ACTR2: variants seen among roughly 807,000 people sequenced by gnomAD.
ACTR2 encodes the protein actin-related protein 2.
Under a neutral mutation model 50.2 loss-of-function variants are expected in ACTR2, and 5 were observed. The observed-to-expected ratio is 0.10, with a 90% CI of 0.05 to 0.21. The LOEUF (loss-of-function observed/expected upper bound fraction) is 0.21, where lower values mean the gene tolerates loss of function less well. Ranked by LOEUF, ACTR2 falls within the 10% of genes least tolerant of loss-of-function variation. The probability of loss-of-function intolerance (pLI) is 1.00; values close to 1 mark genes in which losing one functional copy is unlikely to be tolerated. For synonymous variants in ACTR2, 140 were observed against 162.9 expected, an observed-to-expected ratio of 0.86 and a Z score of 1.07; for missense variants, 180 against 480.6, an observed-to-expected ratio of 0.37 and a Z score of 5.85.
chr2:65,242,258 G>C (rs541064940), intron 2 of ACTR2, among the ~76,000 whole-genome samples: 2 of 151,986 alleles, frequency 1.3e-5, no homozygotes, highest in African/African-American at 4.8e-5. Flanking sequence ...TCCTGATTGC[G>C]TACAATGGAC....
chr2:65,255,385 T>C (rs767781216), intron 5 of ACTR2, among the ~76,000 whole-genome samples, 160 bp from the exon 6 acceptor site: 1 of 152,186 alleles, frequency 6.6e-6, no homozygotes. Flanking sequence ...ATAAATCCTT[T>C]TATGGCGGAT....
intron 3 of ACTR2, 144 bp from the exon 4 acceptor site, chr2:65,250,882 GA>G (rs1672035898): frequency 4.0e-6 from 2 of 493,940 alleles, no homozygotes; most frequent in South Asian, 7.5e-5. Flanking sequence ...TAAGAAATAA[GA>G]GGAGCTGATG....
intron 7 of ACTR2, among the ~76,000 whole-genome samples, chr2:65,264,334 C>G (rs1329931990): frequency 6.6e-6 from 1 of 152,200 alleles, no homozygotes; most frequent in Non-Finnish European, 1.5e-5. Flanking sequence ...GTTGCAGTAG[C>G]TTTAGCCATT....
At chr2:65,247,979 G>T (rs1484109970) in intron 3 of ACTR2, among the ~76,000 whole-genome samples, 1 of 152,214 alleles carries the variant, frequency 6.6e-6, no homozygotes, top group Non-Finnish European at 1.5e-5. Context: ...GGAGTAGCCA[G>T]TGTAAAGGTC....
rs539508101 is a variant in ACTR2 at position 65,270,424 on chromosome 2, A to G, written c.*1690A>G. ...AGATAAGTTTGCCTGCATGCTGGAC[A>G]TGCCTCAGAACCCTGAATAGCCCGT... On this transcript the variant is annotated 3_prime_UTR_variant, in exon 9 of 9. Transcript: ENST00000260641. 6 of 152,758 alleles carry G rather than the reference A, an allele frequency of 3.9e-5. No homozygotes were observed. In the East Asian group the frequency reaches 1.2e-3, roughly 29 times the overall value. 9.5% of individuals were successfully genotyped at this position (152,758 alleles called of 1,614,324 possible). A position where few individuals can be genotyped will look rare whatever the true frequency, so the allele number is the denominator to read the frequency against.
chr2:65,238,025 G>A (rs528399817), intron 1 of ACTR2, among the ~76,000 whole-genome samples: 3 of 151,478 alleles, frequency 2.0e-5, no homozygotes, highest in South Asian at 4.2e-4. Flanking sequence ...AAACTTATTC[G>A]GGCCTGGTGG....
chr2:65,268,956 T>G lies in ACTR2; in HGVS notation c.*222T>G. On this transcript the variant is annotated 3_prime_UTR_variant, in exon 9 of 9. Transcript: ENST00000260641. ...TGCTTCCCTACATAGACTAGAGGGC[T>G]AAGGATTCTGTCTGCTGCTTTGTTT... is the stretch of plus-strand genomic sequence containing the variant. 2.1e-6 allele frequency: 1 copy of G among 466,690 alleles called. No individual in the cohort carries two copies. Among genetic ancestry groups the G allele is most frequent in the East Asian group, 3.8e-5 (1 of 26,080 alleles). 28.9% of individuals were successfully genotyped at this position (466,690 alleles called of 1,614,324 possible).
intron 3 of ACTR2, among the ~76,000 whole-genome samples, chr2:65,249,096 T>C (rs1346459109): frequency 2.6e-5 from 4 of 152,196 alleles, no homozygotes; most frequent in African/African-American, 9.6e-5. Context: ...AAGAGAGCTA[T>C]GATCCTCATA....
chr2:65,247,886 A>G (rs973164354), intron 3 of ACTR2, among the ~76,000 whole-genome samples: 9 of 152,178 alleles, frequency 5.9e-5, no homozygotes, highest in Non-Finnish European at 1.3e-4. Context: ...GTAATTGTAC[A>G]TAGGTTGTGA....
chr2:65,266,471 G>A (rs1242243679), intron 8 of ACTR2, among the ~76,000 whole-genome samples: 1 of 152,120 alleles, frequency 6.6e-6, no homozygotes, highest in South Asian at 2.1e-4. Context: ...TGGGATATGA[G>A]GTCAGAAGGG....
intron 2 of ACTR2, among the ~76,000 whole-genome samples, chr2:65,241,564 T>G (rs150034461): frequency 1.4e-3 from 214 of 152,328 alleles, no homozygotes; most frequent in African/African-American, 4.9e-3. Context: ...AGTTAAATTA[T>G]TCTTCGAGTA....
intron 7 of ACTR2, among the ~76,000 whole-genome samples, chr2:65,263,453 C>T (rs971616341): frequency 7.9e-5 from 12 of 151,996 alleles, no homozygotes; most frequent in Non-Finnish European, 1.8e-4. Context: ...TTAGAAATCC[C>T]TTCTCTACAC....
At chr2:65,232,833 A>G (rs984342614) in intron 1 of ACTR2, among the ~76,000 whole-genome samples, 5 of 152,162 alleles carry the variant, frequency 3.3e-5, no homozygotes, top group African/African-American at 9.7e-5. Context: ...GGTAAAATCT[A>G]TTTCTTAAAC....
At chr2:65,251,471 C>T (rs1049910250) in intron 4 of ACTR2, among the ~76,000 whole-genome samples, 60 of 152,292 alleles carry the variant, frequency 3.9e-4, no homozygotes, top group African/African-American at 1.4e-3. Flanking sequence ...AAGTGATTTT[C>T]CTGCCTCAGC....
At chr2:65,262,497 C>T (rs1051976435) in intron 7 of ACTR2, among the ~76,000 whole-genome samples, 12 of 151,762 alleles carry the variant, frequency 7.9e-5, no homozygotes, top group African/African-American at 2.9e-4. Flanking sequence ...CCACCTCAGC[C>T]TACCAAAGTG....
chr2:65,257,749 A>C (rs1672179350), intron 6 of ACTR2, among the ~76,000 whole-genome samples: 1 of 152,178 alleles, frequency 6.6e-6, no homozygotes, highest in Non-Finnish European at 1.5e-5. Context: ...TCTTTTGAAA[A>C]GTGTCTGTTC....
intron 4 of ACTR2, 90 bp downstream of exon 4, chr2:65,251,189 A>G: frequency 1.2e-6 from 1 of 824,412 alleles, no homozygotes; most frequent in Non-Finnish European, 1.9e-6. Flanking sequence ...TCAATAAGTT[A>G]TAAGCCCCAG....
intron 6 of ACTR2, among the ~76,000 whole-genome samples, chr2:65,259,679 C>T (rs1672227080): frequency 6.6e-6 from 1 of 152,114 alleles, no homozygotes; most frequent in South Asian, 2.1e-4. Flanking sequence ...CACTGAGCCA[C>T]GATCAAGCCA....
Position 65,261,373 on chromosome 2 carries a change from G to A in ACTR2, c.862G>A (p.Ala288Thr). The change falls in exon 7 of 9, where the codon GCA (alanine) becomes ACA (threonine). Residue 288 changes from alanine to threonine, a missense_variant. Ala to Thr is a moderately conservative substitution (Grantham distance 58, BLOSUM62 0). Transcript: ENST00000260641. ...TGAATTGCTTTTTAACACAATTCAG[G>A]CAGCTGACATTGATACCAGGTACAT... ...VAELLFNTIQ[A>T]ADIDTRSEFY... is the part of the protein sequence containing the mutation. 1.2e-6 allele frequency: 2 copies of A among 1,613,738 alleles called. No individual in the cohort carries two copies. The highest frequency in any genetic ancestry group is 1.1e-5 in the South Asian group (1 of 91,042).
Sources: gnomAD v4.1 joint callset for allele counts (sites outside exome capture counted in the v4.1 genomes callset) on GRCh38, gnomAD v4.1.1 for gene constraint, MANE v1.5 for transcripts, NCBI Gene and HGNC (gene_info 2026-07-23, HGNC 2026-07-21) for gene names.